The following LDLRAD3 variants were observed in gnomAD, a reference collection of about 807,000 sequenced individuals.
LDLRAD3 encodes the protein low density lipoprotein receptor class A domain containing 3, also known as low-density lipoprotein receptor class A domain-containing protein 3.
LDLRAD3 carries 20 observed loss-of-function variants against 29.4 expected under a neutral mutation model. That is an observed-to-expected ratio of 0.68 (90% CI 0.48 to 0.99). LDLRAD3 has a LOEUF of 0.99. Among genes scored for constraint, LDLRAD3 ranks in the 50% least tolerant of loss-of-function variants. The probability of loss-of-function intolerance (pLI) is 0.00; values close to 1 mark genes in which losing one functional copy is unlikely to be tolerated. For synonymous variants in LDLRAD3, 157 were observed against 192.7 expected, an observed-to-expected ratio of 0.81 and a Z score of 1.53; for missense variants, 420 against 454.3, an observed-to-expected ratio of 0.92 and a Z score of 0.69.
Position 36,232,075 on chromosome 11 carries a change from G to C in LDLRAD3, c.*2678G>C, listed in dbSNP as rs1166425268. 6.6e-6 allele frequency: 1 copy of C among 152,136 alleles called. No individual in the cohort carries two copies. Among genetic ancestry groups the C allele is most frequent in the Non-Finnish European group, 1.5e-5 (1 of 68,022 alleles). 9.4% of individuals were successfully genotyped at this position (152,136 alleles called of 1,614,324 possible). A position where few individuals can be genotyped will look rare whatever the true frequency, so the allele number is the denominator to read the frequency against. The stretch of plus-strand genomic sequence containing the variant: ...TGTGTGTCGTTGCTTTTTGTGTTTT[G>C]GTTAGGCTTGGTTTTGTTTTTTAAT... On this transcript the variant is annotated 3_prime_UTR_variant, in exon 6 of 6. Transcript: ENST00000315571.
chr11:36,202,044 C>CTTTTT (rs11336380), intron 4 of LDLRAD3, among the ~76,000 whole-genome samples: 2 of 136,590 alleles, frequency 1.5e-5, no homozygotes, highest in African/African-American at 5.5e-5. Context: ...CTGGGGACAT[C>CTTTTT]TTTTTTTTTT....
At chr11:36,030,555 G>A (rs546155912) in intron 1 of LDLRAD3, among the ~76,000 whole-genome samples, 81 of 152,262 alleles carry the variant, frequency 5.3e-4, no homozygotes, top group South Asian at 5.0e-3. Flanking sequence ...GCACTGGGCA[G>A]TGGAAAGAGG....
At chr11:35,973,052 CAAAAAAA>C (rs775477148) in intron 1 of LDLRAD3, among the ~76,000 whole-genome samples, 2 of 48,864 alleles carry the variant, frequency 4.1e-5, no homozygotes, top group African/African-American at 5.7e-5. Context: ...GACTCCATCT[CAAAAAAA>C]AAAAAAAAAA....
chr11:35,972,213 G>A (rs1851421981), intron 1 of LDLRAD3, among the ~76,000 whole-genome samples: 2 of 152,120 alleles, frequency 1.3e-5, no homozygotes, highest in South Asian at 4.2e-4. Context: ...CTTAAGGGAA[G>A]GCACCACCGT....
intron 4 of LDLRAD3, among the ~76,000 whole-genome samples, chr11:36,145,382 G>T (rs1161479689): frequency 2.2e-5 from 2 of 92,592 alleles, no homozygotes; most frequent in Non-Finnish European, 4.3e-5. Context: ...GGAGGGAGGT[G>T]GGGGGGTCAG....
intron 4 of LDLRAD3, among the ~76,000 whole-genome samples, chr11:36,220,233 T>C (rs1855410132): frequency 6.6e-6 from 1 of 152,186 alleles, no homozygotes; most frequent in African/African-American, 2.4e-5. Flanking sequence ...TTTCATACAT[T>C]GCTGCTGGTG....
intron 1 of LDLRAD3, among the ~76,000 whole-genome samples, chr11:36,029,029 G>A (rs1040521436): frequency 1.3e-5 from 2 of 152,194 alleles, no homozygotes; most frequent in African/African-American, 4.8e-5. Flanking sequence ...CGGATCACAG[G>A]GTCAGGAGAT....
chr11:35,997,228 T>C (rs80256027), intron 1 of LDLRAD3: 6,159 of 294,866 alleles, frequency 0.021, 201 homozygotes, highest in East Asian at 0.12. Flanking sequence ...CCACTGTTGA[T>C]GTCATGAAGT....
intron 4 of LDLRAD3, among the ~76,000 whole-genome samples, chr11:36,118,527 GA>G (rs1853706542): frequency 6.6e-6 from 1 of 151,146 alleles, no homozygotes; most frequent in Non-Finnish European, 1.5e-5. Flanking sequence ...GAGAGAGAGA[GA>G]AGGAGGGAGA....
At chr11:36,220,777 G>A (rs1012433820) in intron 4 of LDLRAD3, among the ~76,000 whole-genome samples, 1 of 152,264 alleles carries the variant, frequency 6.6e-6, no homozygotes, top group East Asian at 1.9e-4. Context: ...AATACCTTTC[G>A]TGGGGATGGA....
chr11:35,945,578 T>C (rs1851046538), intron 1 of LDLRAD3, among the ~76,000 whole-genome samples: 1 of 152,052 alleles, frequency 6.6e-6, no homozygotes, highest in African/African-American at 2.4e-5. Flanking sequence ...GTGTGAATTG[T>C]TTGGAGGCTG....
Position 36,145,222 on chromosome 11 carries a change from A to G in LDLRAD3, c.454+46761A>G, listed in dbSNP as rs868227586. ...AGGGAGGTGGGGGGGTCAGCCCCCC[A>G]CCCGCCAGCCGCCCCGTCCGGGAGG... On this transcript the variant is annotated intron_variant, in intron 4 of 5. Coordinates refer to ENST00000315571, the MANE Select transcript of LDLRAD3 (RefSeq NM_174902.4). Among the ~76,000 whole-genome samples, 36 of 4,258 alleles carry G rather than the reference A, an allele frequency of 8.5e-3. 1 individual carries two copies. Among genetic ancestry groups the G allele is most frequent in the South Asian group, 0.017 (1 of 58 alleles). 2.8% of individuals were successfully genotyped at this position (4,258 alleles called of 152,430 possible).
intron 1 of LDLRAD3, among the ~76,000 whole-genome samples, chr11:35,966,187 G>A (rs995621058): frequency 2.0e-5 from 3 of 152,188 alleles, no homozygotes; most frequent in African/African-American, 7.2e-5. Flanking sequence ...CAGCACTTTG[G>A]GAGGCCGAGG....
Position 36,057,494 on chromosome 11 carries a change from C to T in LDLRAD3, c.193+21245C>T, listed in dbSNP as rs183975054. ...GTGTGTGACTCCTTGGCCCTCTGCACCTGGCTTTTGCATCCTCCACAGTAA... is the reference window on the plus strand; with the variant it reads ...GTGTGTGACTCCTTGGCCCTCTGCATCTGGCTTTTGCATCCTCCACAGTAA... On this transcript the variant is annotated intron_variant, in intron 2 of 5. Transcript: ENST00000315571. Among the ~76,000 whole-genome samples, 110 of 152,332 alleles carry T rather than the reference C, an allele frequency of 7.2e-4. 1 individual carries two copies. Among genetic ancestry groups the T allele is most frequent in the Non-Finnish European group, 1.2e-3 (84 of 68,032 alleles).
chr11:35,969,651 A>G (rs1357463703), intron 1 of LDLRAD3, among the ~76,000 whole-genome samples: 1 of 152,202 alleles, frequency 6.6e-6, no homozygotes, highest in Non-Finnish European at 1.5e-5. Flanking sequence ...TTAGGTGTCC[A>G]TAGGCCCCGT....
At chr11:35,953,454 G>A (rs1041043657) in intron 1 of LDLRAD3, among the ~76,000 whole-genome samples, 1 of 152,154 alleles carries the variant, frequency 6.6e-6, no homozygotes, top group Admixed American at 6.5e-5. Context: ...TAATTTTATT[G>A]CATTAAAAAT....
chr11:36,160,919 C>A (rs1428064682), intron 4 of LDLRAD3, among the ~76,000 whole-genome samples: 5 of 152,094 alleles, frequency 3.3e-5, no homozygotes, highest in Admixed American at 3.3e-4. Context: ...CTCACCCTCC[C>A]GAGTAGTTGG....
At chr11:36,029,953 G>A (rs1852214986) in intron 1 of LDLRAD3, among the ~76,000 whole-genome samples, 1 of 152,224 alleles carries the variant, frequency 6.6e-6, no homozygotes, top group African/African-American at 2.4e-5. Flanking sequence ...GTCATAGGCA[G>A]TGTAAATATG....
intron 1 of LDLRAD3, among the ~76,000 whole-genome samples, chr11:35,959,918 T>A (rs1338698210): frequency 6.6e-6 from 1 of 151,970 alleles, no homozygotes; most frequent in African/African-American, 2.4e-5. Flanking sequence ...GGTGACAGAG[T>A]GAGACTCCAT....
Sources: allele counts gnomAD v4.1 joint callset (sites outside exome capture counted in the v4.1 genomes callset), GRCh38; gene constraint gnomAD v4.1.1; transcripts MANE v1.5; gene names NCBI Gene and HGNC (gene_info 2026-07-23, HGNC 2026-07-21).